Variants in LRP1 observed in about 807,000 individuals in gnomAD.
The protein encoded by LRP1 is prolow-density lipoprotein receptor-related protein 1.
Under a neutral mutation model 541.5 loss-of-function variants are expected in LRP1, and 51 were observed. The ratio of observed to expected loss-of-function variants is 0.09; its 90% CI spans 0.08 to 0.12. The LOEUF is 0.12. LRP1 is among the 10% of genes least tolerant of loss of function. The pLI, the probability that LRP1 is intolerant of heterozygous loss-of-function variation, is 1.00. For synonymous variants in LRP1, 2,219 were observed against 2,470.8 expected (o/e 0.90, Z 3.02); for missense variants, 3,878 against 6,376.2 (o/e 0.61, Z 13.34).
At chr12:57,152,227 G>A (rs913022597) in intron 6 of LRP1, among the ~76,000 whole-genome samples, 1 of 152,118 alleles carries the variant, frequency 6.6e-6, no homozygotes. Flanking sequence ...TGGATAGGGG[G>A]AGCAGGGGCA....
rs1050072293 is a variant in LRP1, at chr12:57,183,038, G to A, written c.5663-341G>A. ...GGAGTCACCTAGTCCTGATTGTCTG[G>A]TCTGAACTCCCAGACTTTCCCTAAG... is the stretch of plus-strand genomic sequence containing the variant. On this transcript the variant is annotated intron_variant, in intron 34 of 88. Coordinates refer to ENST00000243077, the MANE Select transcript of LRP1 (RefSeq NM_002332.3). This position sits in a 1 kb window ranked among gnomAD's most constrained non-coding sequence, Gnocchi z 6.1. 1.3e-5 allele frequency among the ~76,000 whole-genome samples: 2 copies of A among 152,166 alleles called. No individual in the cohort carries two copies. Among genetic ancestry groups the A allele is most frequent in the Admixed American group, 6.5e-5 (1 of 15,272 alleles).
Position 57,178,964 on chromosome 12 carries a change from G to T in LRP1, c.4681G>T (p.Val1561Leu), listed in dbSNP as rs200073974. 1 of 1,614,066 alleles carries T rather than the reference G, an allele frequency of 6.2e-7. No homozygotes were observed. Among genetic ancestry groups the T allele is most frequent in the Non-Finnish European group, 8.5e-7 (1 of 1,179,998 alleles). ...HLCLINYNRT[V>L]SCACPHLMKL... ...GTGTCTCATCAACTACAACCGGACC[G>T]TGTCCTGCGCCTGCCCCCACCTCAT... Residue 1561 changes from valine to leucine, a missense_variant, in exon 28 of 89, where the codon GTG becomes TTG. Around this residue, in one of 13 missense-constraint regions of LRP1, gnomAD observed 394 missense variants for 635.9 expected, o/e 0.62. Transcript: ENST00000243077. This position sits in a 1 kb window ranked among gnomAD's most constrained non-coding sequence, Gnocchi z 5.8.
At chr12:57,209,557 G>T (rs556545656) in intron 79 of LRP1, 135 bp from the exon 80 acceptor site, 3 of 714,000 alleles carry the variant, frequency 4.2e-6, no homozygotes, top group South Asian at 1.7e-5. Flanking sequence ...AGGAGGAACC[G>T]GTGTGGGGAG....
At chr12:57,140,972 G>A (rs34485866) in intron 2 of LRP1, among the ~76,000 whole-genome samples, 223 of 152,214 alleles carry the variant, frequency 1.5e-3, no homozygotes, top group African/African-American at 5.3e-3. Context: ...GACCTCAAGT[G>A]ATCTGCCCGC....
rs2034962596 is a variant in LRP1, at chr12:57,128,562, C to T, written c.-403C>T. ...GAAACAAGGGGAGCCCCCAGAGCTCCATCAAGCCCCCTCCAAAGGCTCCCC... is the reference window on the plus strand; with the variant it reads ...GAAACAAGGGGAGCCCCCAGAGCTCTATCAAGCCCCCTCCAAAGGCTCCCC... On this transcript the variant is annotated 5_prime_UTR_variant, in exon 1 of 89. Transcript: ENST00000243077. The T allele has an allele frequency of 2.5e-6, 1 of 402,144 alleles. No individual in the cohort carries two copies. Among genetic ancestry groups the T allele is most frequent in the Non-Finnish European group, 4.4e-6 (1 of 227,814 alleles). The allele number at this position is 402,144 out of a possible 1,614,324, so 24.9% of individuals were successfully genotyped here. A position where few individuals can be genotyped will look rare whatever the true frequency, so the allele number is the denominator to read the frequency against.
intron 6 of LRP1, among the ~76,000 whole-genome samples, chr12:57,146,118 G>A (rs2035400767): frequency 6.6e-6 from 1 of 152,164 alleles, no homozygotes; most frequent in Admixed American, 6.5e-5. Context: ...TATCCTAGTT[G>A]TGGAAGAAGG....
rs1369247761 is a variant in LRP1, at chr12:57,211,687, G to C, written c.13194-63G>C. ...GGCCTCAGTGCCCACCCCCCGCCCT[G>C]TTTTCCTGGCAGCAGTGGCTATGGA... On this transcript the variant is annotated intron_variant, in intron 85 of 88. Transcript: ENST00000243077. The surrounding 1 kb of genome is among the most constrained non-coding windows in gnomAD (Gnocchi z 4.3). The C allele has an allele frequency of 6.3e-7, 1 of 1,595,324 alleles. No individual in the cohort carries two copies. Among genetic ancestry groups the C allele is most frequent in the Non-Finnish European group, 8.6e-7 (1 of 1,166,012 alleles).
In LRP1 at chr12:57,184,843, G is replaced by A. The variant is rs1216331993; in HGVS notation, c.6191G>A (p.Gly2064Glu). Residue 2064 changes from glycine (G) to glutamate (E), a missense_variant, in exon 39 of 89, where the codon GGG becomes GAG. By Grantham distance (98) the Gly-to-Glu change is moderately conservative. Coordinates refer to ENST00000243077, the MANE Select transcript of LRP1 (RefSeq NM_002332.3). The surrounding 1 kb of genome is among the most constrained non-coding windows in gnomAD (Gnocchi z 7.8). ...GTGGGTGCCTCTGGCCTGTAGGATGGGAAGCTGTACTGGTGCGATGCACGG... is the reference window on the plus strand; with the variant it reads ...GTGGGTGCCTCTGGCCTGTAGGATGAGAAGCTGTACTGGTGCGATGCACGG... ...PNGISVDYQD[G>E]KLYWCDARTD... 1.2e-6 allele frequency: 2 copies of A among 1,611,780 alleles called. No individual in the cohort carries two copies. Among genetic ancestry groups the A allele is most frequent in the Admixed American group, 1.7e-5 (1 of 59,956 alleles).
At chr12:57,174,978 G>A (rs755985736) in intron 22 of LRP1, among the ~76,000 whole-genome samples, 13 of 152,126 alleles carry the variant, frequency 8.5e-5, no homozygotes, top group Non-Finnish European at 1.6e-4. Flanking sequence ...GAGAACTGCC[G>A]ACAGGCTATC....
In LRP1 at chr12:57,194,379, C is replaced by T. The variant is rs779976769; in HGVS notation, c.7944C>T (p.Phe2648=). 2.7e-5 allele frequency: 41 copies of T among 1,513,026 alleles called. No homozygotes were observed. Among genetic ancestry groups the T allele is most frequent in the Middle Eastern group, 3.6e-4 (2 of 5,614 alleles). 93.7% of individuals were successfully genotyped at this position (1,513,026 alleles called of 1,614,324 possible). Residue 2648 remains phenylalanine (F), a synonymous_variant, in exon 49 of 89, where the codon TTC becomes TTT. Coordinates refer to ENST00000243077, the MANE Select transcript of LRP1 (RefSeq NM_002332.3). ...NCSATDCSSY[F]RLGVKGVLFQ... ...GTGCCACCGACTGCAGCAGCTACTT[C>T]CGCCTGGGCGTGAAGGGCGTGCTCT...
chr12:57,210,689 A>T, intron 82 of LRP1, 29 bp from the exon 83 acceptor site: 1 of 1,592,974 alleles, frequency 6.3e-7, no homozygotes, highest in South Asian at 1.1e-5. Flanking sequence ...CGAGGGCCAC[A>T]GTCGCGCTCA....
rs757230734 is a variant in LRP1, at chr12:57,193,259, G to A, written c.7639G>A (p.Val2547Ile). Residue 2547 changes from valine to isoleucine, a missense_variant, in exon 46 of 89, where the codon GTC becomes ATC. Coordinates refer to ENST00000243077, the MANE Select transcript of LRP1 (RefSeq NM_002332.3). ...CINFSLTCDG[V>I]PHCKDKSDEK... ...CAACTTCAGCCTGACCTGCGACGGCGTCCCCCACTGCAAGGACAAGTCCGA... is the reference window on the plus strand; with the variant it reads ...CAACTTCAGCCTGACCTGCGACGGCATCCCCCACTGCAAGGACAAGTCCGA... 2.7e-5 allele frequency: 43 copies of A among 1,613,824 alleles called. 1 individual carries two copies. In the South Asian group the frequency reaches 2.7e-4, roughly 10 times the overall value.
Position 57,179,891 on chromosome 12 carries a change from C to T in LRP1, c.5076C>T (p.Ser1692=). 2 of 1,614,162 alleles carry T rather than the reference C, an allele frequency of 1.2e-6. No homozygotes were observed. The highest frequency in any genetic ancestry group is 1.7e-6 in the Non-Finnish European group (2 of 1,180,036). Residue 1692 remains serine, a synonymous_variant, in exon 30 of 89, where the codon TCC becomes TCT. Coordinates refer to ENST00000243077, the MANE Select transcript of LRP1 (RefSeq NM_002332.3). This position sits in a 1 kb window ranked among gnomAD's most constrained non-coding sequence, Gnocchi z 6.8. ...TCAATGTGGCCCGGCTGGATGGCTCCTTCAAGAACGCAGTGGTGCAGGGCC... is the reference window on the plus strand; with the variant it reads ...TCAATGTGGCCCGGCTGGATGGCTCTTTCAAGAACGCAGTGGTGCAGGGCC... The part of the protein sequence containing the change: ...KQINVARLDG[S]FKNAVVQGLE...
Position 57,210,892 on chromosome 12 carries a change from T to C in LRP1, c.12916+13T>C, listed in dbSNP as rs1565758349. 2 of 1,604,936 alleles carry C rather than the reference T, an allele frequency of 1.2e-6. No homozygotes were observed. The highest frequency in any genetic ancestry group is 1.7e-6 in the Non-Finnish European group (2 of 1,173,930). On this transcript the variant is annotated intron_variant, in intron 83 of 88. Transcript: ENST00000243077. The stretch of plus-strand genomic sequence containing the variant: ...CGCTGCCAGTACCGTGAGTGAGCCA[T>C]CCCTGGGCCCCAGGGCATGCGGGAG...
At chr12:57,133,456 C>CTTTTG (rs2035080871) in intron 1 of LRP1, among the ~76,000 whole-genome samples, 2 of 152,132 alleles carry the variant, frequency 1.3e-5, no homozygotes, top group Non-Finnish European at 2.9e-5. Flanking sequence ...GAGGCCCAGA[C>CTTTTG]TCAGGAATGA....
At chr12:57,190,718 G>T in intron 42 of LRP1, 87 bp from the exon 43 acceptor site, 1 of 1,275,592 alleles carries the variant, frequency 7.8e-7, no homozygotes, top group South Asian at 1.3e-5. Flanking sequence ...AGGCTTCCAG[G>T]TTCCAGGTGC....
In LRP1 at chr12:57,166,159, G is replaced by A; in HGVS notation, c.2747G>A (p.Gly916Glu). 1 of 1,614,120 alleles carries A rather than the reference G, an allele frequency of 6.2e-7. No homozygotes were observed. Among genetic ancestry groups the A allele is most frequent in the Non-Finnish European group, 8.5e-7 (1 of 1,180,020 alleles). Reference sequence around the variant, plus strand: ...ATCCCCAACCGCTGGCTCTGCGACGGGGACAATGACTGTGGGAACAGTGAA... The same window carrying A: ...ATCCCCAACCGCTGGCTCTGCGACGAGGACAATGACTGTGGGAACAGTGAA... ...RCIPNRWLCD[G>E]DNDCGNSEDE... Residue 916 changes from glycine to glutamate, a missense_variant, in exon 17 of 89, where the codon GGG becomes GAG. By Grantham distance (98) the Gly-to-Glu change is moderately conservative. This residue lies in a region of LRP1 where 496 missense variants were observed against 861.0 expected (regional missense o/e 0.58). Coordinates refer to ENST00000243077, the MANE Select transcript of LRP1 (RefSeq NM_002332.3).
chr12:57,151,555 G>C (rs2035525611), intron 6 of LRP1, among the ~76,000 whole-genome samples: 1 of 152,242 alleles, frequency 6.6e-6, no homozygotes, highest in Admixed American at 6.5e-5. Flanking sequence ...TAGAAGGCTG[G>C]GCGACAAGGG....
Position 57,204,358 on chromosome 12 carries a change from G to A in LRP1, c.10952-52G>A. Reference sequence around the variant, plus strand: ...TGGAACCCCCACCTGTGGAGACAGGGGTCTGGGTGGGCTCATGGCTCATTC... The same window carrying A: ...TGGAACCCCCACCTGTGGAGACAGGAGTCTGGGTGGGCTCATGGCTCATTC... On this transcript the variant is annotated intron_variant, in intron 70 of 88. Transcript: ENST00000243077. This position sits in a 1 kb window ranked among gnomAD's most constrained non-coding sequence, Gnocchi z 5.3. The A allele has an allele frequency of 6.7e-7, 1 of 1,486,174 alleles. No individual in the cohort carries two copies. Among genetic ancestry groups the A allele is most frequent in the Non-Finnish European group, 9.0e-7 (1 of 1,116,328 alleles). 92.1% of individuals were successfully genotyped at this position (1,486,174 alleles called of 1,614,324 possible).
Sources: gnomAD v4.1 joint callset for allele counts (sites outside exome capture counted in the v4.1 genomes callset) on GRCh38, gnomAD v4.1.1 for gene constraint, gnomAD v4.1.1 regional missense constraint, Gnocchi (gnomAD v3.1) non-coding constraint, MANE v1.5 for transcripts, NCBI Gene and HGNC (gene_info 2026-07-23, HGNC 2026-07-21) for gene names.